The following NYAP2 variants were observed in gnomAD, a reference collection of about 807,000 sequenced individuals.
NYAP2 encodes the protein neuronal tyrosine-phosphorylated phosphoinositide-3-kinase adaptor 2.
NYAP2 carries 23 observed loss-of-function variants against 50.4 expected under a neutral mutation model. The observed-to-expected ratio is 0.46, with a 90% CI of 0.33 to 0.65. NYAP2 has a LOEUF of 0.65. Ranked by LOEUF, NYAP2 falls within the 30% of genes least tolerant of loss-of-function variation. The pLI is 0.02. For synonymous variants in NYAP2, 394 were observed against 365.2 expected (o/e 1.08, Z -0.90); for missense variants, 885 against 861.0 (o/e 1.03, Z -0.35).
chr2:225,495,516 A>C (rs1484111475), intron 3 of NYAP2, among the ~76,000 whole-genome samples: 1 of 152,026 alleles, frequency 6.6e-6, no homozygotes, highest in Non-Finnish European at 1.5e-5. Context: ...AATCTTAATC[A>C]CCTGACTCTA....
chr2:225,611,316 C>G (rs1692881565), intron 5 of NYAP2, among the ~76,000 whole-genome samples: 1 of 152,032 alleles, frequency 6.6e-6, no homozygotes, highest in Non-Finnish European at 1.5e-5. Flanking sequence ...TTCCATGTAT[C>G]CCTACATAAA....
chr2:225,677,749 T>C, the NYAP2 span, among the ~76,000 whole-genome samples: 922 of 152,334 alleles, frequency 6.1e-3, 7 homozygotes, highest in African/African-American at 0.021. Flanking sequence ...CAACATTGCA[T>C]CCCAGAAATA....
At chr2:225,417,846 T>A (rs1338469716) in intron 3 of NYAP2, among the ~76,000 whole-genome samples, 1 of 152,170 alleles carries the variant, frequency 6.6e-6, no homozygotes, top group Non-Finnish European at 1.5e-5. Context: ...TTTATGTCAG[T>A]CATTGCTCTA....
intron 3 of NYAP2, among the ~76,000 whole-genome samples, chr2:225,475,048 A>T (rs1350462470): frequency 6.6e-6 from 1 of 152,214 alleles, no homozygotes; most frequent in Non-Finnish European, 1.5e-5. Context: ...AGAAATCTTT[A>T]TTCTAATTTT....
At chr2:225,552,778 C>A (rs548996138) in intron 4 of NYAP2, among the ~76,000 whole-genome samples, 1 of 152,268 alleles carries the variant, frequency 6.6e-6, no homozygotes, top group East Asian at 1.9e-4. Context: ...GCAACCTCTG[C>A]CTTGCAGATT....
At chr2:225,473,569 A>G (rs1187071614) in intron 3 of NYAP2, among the ~76,000 whole-genome samples, 1 of 152,036 alleles carries the variant, frequency 6.6e-6, no homozygotes, top group Non-Finnish European at 1.5e-5. Flanking sequence ...GTGATGATGA[A>G]CCTTTTTTCA....
At position 225,623,682 on chromosome 2, in the gene NYAP2, A is replaced by G. The variant is rs536515769; in HGVS notation, c.1619-3235A>G. The stretch of plus-strand genomic sequence containing the variant: ...TGATGAACACACACCAAGTTCGACC[A>G]AAGCAAAAAACAAACTAAAAATTGT... On this transcript the variant is annotated intron_variant, in intron 5 of 6. Transcript: ENST00000636099. Among the ~76,000 whole-genome samples, 223 of 152,326 alleles carry G rather than the reference A, an allele frequency of 1.5e-3. 2 individuals carry two copies. Among genetic ancestry groups the G allele is most frequent in the Non-Finnish European group, 2.3e-3 (154 of 68,022 alleles).
intron 3 of NYAP2, among the ~76,000 whole-genome samples, chr2:225,474,535 A>G (rs1690069812): frequency 6.6e-6 from 1 of 152,100 alleles, no homozygotes; most frequent in Non-Finnish European, 1.5e-5. Context: ...CATCCCTTGT[A>G]AGTTGGATTC....
intron 3 of NYAP2, among the ~76,000 whole-genome samples, chr2:225,493,916 C>T (rs1452875339): frequency 6.6e-6 from 1 of 152,164 alleles, no homozygotes; most frequent in Non-Finnish European, 1.5e-5. Flanking sequence ...CCTCAGTACA[C>T]AACTAAAAAT....
chr2:225,625,092 T>C (rs562544978), intron 5 of NYAP2, among the ~76,000 whole-genome samples: 2 of 149,710 alleles, frequency 1.3e-5, no homozygotes, highest in South Asian at 4.2e-4. Flanking sequence ...TTTGAATCAT[T>C]TCTGTGATTT....
At chr2:225,699,121 T>C in the NYAP2 span, 1 of 151,924 alleles carries the variant, frequency 6.6e-6, no homozygotes, top group South Asian at 2.1e-4. Flanking sequence ...TGATGCTTAA[T>C]TTGGACGTCC....
intron 6 of NYAP2, among the ~76,000 whole-genome samples, chr2:225,633,854 C>T (rs946310051): frequency 1.3e-5 from 2 of 152,204 alleles, no homozygotes; most frequent in Non-Finnish European, 1.5e-5. Flanking sequence ...TAGAATAATT[C>T]ACTTCTTTTA....
chr2:225,515,797 T>C (rs1263991691), intron 4 of NYAP2, among the ~76,000 whole-genome samples: 5 of 152,180 alleles, frequency 3.3e-5, no homozygotes, highest in Admixed American at 2.0e-4. Context: ...TAATAAATTA[T>C]GTTAGATTGT....
At chr2:225,567,295 T>A (rs938081137) in intron 4 of NYAP2, among the ~76,000 whole-genome samples, 2 of 151,970 alleles carry the variant, frequency 1.3e-5, no homozygotes, top group Non-Finnish European at 2.9e-5. Flanking sequence ...ATGTGGCACA[T>A]AAACTTTCAT....
intron 5 of NYAP2, among the ~76,000 whole-genome samples, chr2:225,619,134 T>C (rs1299329725): frequency 2.0e-5 from 3 of 152,244 alleles, no homozygotes; most frequent in Non-Finnish European, 2.9e-5. Context: ...GAACTTTAAA[T>C]GCATTATCTC....
intron 4 of NYAP2, among the ~76,000 whole-genome samples, chr2:225,516,977 G>A (rs972097954): frequency 6.6e-6 from 1 of 151,932 alleles, no homozygotes. Flanking sequence ...TTAAGTAAGG[G>A]ATTATGACTT....
chr2:225,436,421 A>G (rs778700462), intron 3 of NYAP2, among the ~76,000 whole-genome samples: 1 of 152,120 alleles, frequency 6.6e-6, no homozygotes, highest in Non-Finnish European at 1.5e-5. Flanking sequence ...TGGTTTGTGG[A>G]AGCATCACTC....
At chr2:225,538,846 CT>C (rs1559208736) in intron 4 of NYAP2, among the ~76,000 whole-genome samples, 30 of 50,578 alleles carry the variant, frequency 5.9e-4, no homozygotes, top group Middle Eastern at 8.9e-3. Flanking sequence ...TTCTTTCTTT[CT>C]TTGTTTTTAT....
the NYAP2 span, among the ~76,000 whole-genome samples, chr2:225,678,723 CA>C: frequency 1.3e-5 from 2 of 152,072 alleles, no homozygotes; most frequent in East Asian, 3.9e-4. Flanking sequence ...GTTGAGGGGC[CA>C]AGAGGTATTT....
Sources: allele counts gnomAD v4.1 joint callset (sites outside exome capture counted in the v4.1 genomes callset), GRCh38; gene constraint gnomAD v4.1.1; transcripts MANE v1.5; gene names NCBI Gene and HGNC (gene_info 2026-07-23, HGNC 2026-07-21).